The following ICA1 variants were observed in gnomAD, a reference collection of about 807,000 sequenced individuals.
ICA1 encodes 69 kDa islet cell autoantigen.
In ICA1, 40 loss-of-function variants were observed where a neutral mutation model predicts 71.0. That is an observed-to-expected ratio of 0.56 (90% CI 0.44 to 0.73). The LOEUF is 0.73. Among genes scored for constraint, ICA1 ranks in the 30% least tolerant of loss-of-function variants. ICA1 has a pLI of 0.00. For missense variants in ICA1, 578 were observed against 576.5 expected (o/e 1.00, Z -0.03); for synonymous variants, 207 against 209.5 (o/e 0.99, Z 0.10).
chr7:8,129,059 G>A (rs773143192), intron 12 of ICA1, among the ~76,000 whole-genome samples: 1 of 152,106 alleles, frequency 6.6e-6, no homozygotes, highest in Admixed American at 6.5e-5. Context: ...CTTACATTAC[G>A]AACATTGGCA....
At chr7:8,170,150 AC>A (rs2128229576) in intron 6 of ICA1, among the ~76,000 whole-genome samples, 1 of 152,016 alleles carries the variant, frequency 6.6e-6, no homozygotes, top group East Asian at 1.9e-4. Context: ...AACCGCCTTA[AC>A]TTGGCTCTTT....
At chr7:8,146,007 A>G (rs17143771) in intron 8 of ICA1, among the ~76,000 whole-genome samples, 6,735 of 152,196 alleles carry the variant, frequency 0.044, 332 homozygotes, top group African/African-American at 0.13. Context: ...ATTTTCTTGC[A>G]TAAAGCACAT....
chr7:8,188,833 G>T (rs748343611), intron 6 of ICA1, among the ~76,000 whole-genome samples: 9 of 152,156 alleles, frequency 5.9e-5, no homozygotes, highest in Non-Finnish European at 1.0e-4. Context: ...CAGGAATCAA[G>T]ACTATGGTTT....
rs1797508016 is a variant in ICA1 at position 8,222,758 on chromosome 7, G to A, written c.257-1360C>T. Among the ~76,000 whole-genome samples, 1 of 152,106 alleles carries A rather than the reference G, an allele frequency of 6.6e-6. No individual in the cohort carries two copies. Among genetic ancestry groups the A allele is most frequent in the Non-Finnish European group, 1.5e-5 (1 of 68,018 alleles). On this transcript the variant is annotated intron_variant, in intron 4 of 13. Transcript: ENST00000402384. The surrounding 1 kb of genome is among the most constrained non-coding windows in gnomAD (Gnocchi z 4.8). ...TCAAAAATCAAGTTCACCATCAAAG[G>A]CCTGCTCGCAGGTTCCTTTCTCTGT...
rs1034707269 is a variant in ICA1, at chr7:8,222,513, T to C, written c.257-1115A>G. On this transcript the variant is annotated intron_variant, in intron 4 of 13. Coordinates refer to ENST00000402384, the MANE Select transcript of ICA1 (RefSeq NM_001136020.3). This position sits in a 1 kb window ranked among gnomAD's most constrained non-coding sequence, Gnocchi z 4.8. The stretch of plus-strand genomic sequence containing the variant: ...CAAACCAGTCACTTTTCTTTAAGAA[T>C]GCACCCCCATTCCTGACATAATCTC... Among the ~76,000 whole-genome samples, 4 of 152,230 alleles carry C rather than the reference T, an allele frequency of 2.6e-5. No individual in the cohort carries two copies. The highest frequency in any genetic ancestry group is 6.5e-5 in the Admixed American group (1 of 15,284).
At chr7:8,203,715 G>A (rs750027956) in intron 6 of ICA1, among the ~76,000 whole-genome samples, 5 of 152,190 alleles carry the variant, frequency 3.3e-5, no homozygotes, top group Non-Finnish European at 5.9e-5. Context: ...TCTGCAGGGG[G>A]CCTGTTAATT....
intron 6 of ICA1, among the ~76,000 whole-genome samples, chr7:8,211,694 C>T (rs767179974): frequency 6.6e-6 from 1 of 152,172 alleles, no homozygotes; most frequent in Non-Finnish European, 1.5e-5. Flanking sequence ...GTATGTGTTT[C>T]TTTTTACCAC....
At chr7:8,152,775 A>G in intron 8 of ICA1, among the ~76,000 whole-genome samples, 2 of 150,576 alleles carry the variant, frequency 1.3e-5, no homozygotes, top group East Asian at 2.0e-4. Flanking sequence ...TACCCCCACC[A>G]CTATCACCAT....
intron 12 of ICA1, among the ~76,000 whole-genome samples, chr7:8,134,064 G>A (rs570527123): frequency 4.6e-5 from 7 of 152,204 alleles, no homozygotes; most frequent in African/African-American, 1.2e-4. Context: ...AGGATCTCAT[G>A]TATAAATTAA....
intron 6 of ICA1, among the ~76,000 whole-genome samples, chr7:8,163,894 T>C (rs1804845234): frequency 6.6e-6 from 1 of 152,078 alleles, no homozygotes; most frequent in African/African-American, 2.4e-5. Flanking sequence ...ATTTTTATCC[T>C]GGAATAGCAG....
At chr7:8,139,111 T>C in intron 10 of ICA1, 64 bp from the exon 11 acceptor site, 2 of 1,294,932 alleles carry the variant, frequency 1.5e-6, no homozygotes, top group Non-Finnish European at 2.2e-6. Flanking sequence ...TCATACGCTA[T>C]TGCAGTGTAA....
intron 12 of ICA1, among the ~76,000 whole-genome samples, chr7:8,137,503 A>G (rs760400070): frequency 6.6e-6 from 1 of 152,206 alleles, no homozygotes; most frequent in African/African-American, 2.4e-5. Context: ...ATCCCCTCCA[A>G]AAAATAATTT....
rs1779416755 is a variant in ICA1, at chr7:8,173,134, T to C, written c.580-14482A>G. On this transcript the variant is annotated intron_variant, in intron 6 of 13. Coordinates refer to ENST00000402384, the MANE Select transcript of ICA1 (RefSeq NM_001136020.3). The surrounding 1 kb of genome is among the most constrained non-coding windows in gnomAD (Gnocchi z 4.0). ...CAAGTAACGGCTAACTTAGAAGCAA[T>C]GAGGTCACGGCCTCTGACTATCATG... 6.6e-6 allele frequency among the ~76,000 whole-genome samples: 1 copy of C among 152,198 alleles called. No individual in the cohort carries two copies. The highest frequency in any genetic ancestry group is 1.5e-5 in the Non-Finnish European group (1 of 68,024).
chr7:8,237,819 GACACACACACACACACAC>G (rs57343882), intron 1 of ICA1, among the ~76,000 whole-genome samples: 30 of 142,166 alleles, frequency 2.1e-4, no homozygotes, highest in African/African-American at 7.3e-4. Context: ...GTTGAAGACA[GACACACACACACACACAC>G]ACACACACAC....
intron 1 of ICA1, among the ~76,000 whole-genome samples, chr7:8,249,874 T>A (rs1325349522): frequency 6.6e-6 from 1 of 152,242 alleles, no homozygotes; most frequent in Non-Finnish European, 1.5e-5. Flanking sequence ...ATGCAGGTAT[T>A]TGGGTTTATT....
At chr7:8,128,322 G>A (rs1237306410) in intron 12 of ICA1, among the ~76,000 whole-genome samples, 180 bp from the exon 13 acceptor site, 1 of 152,122 alleles carries the variant, frequency 6.6e-6, no homozygotes, top group African/African-American at 2.4e-5. Context: ...ATTAAATTTC[G>A]AATCCCATGT....
chr7:8,174,149 C>A (rs1216937745), intron 6 of ICA1, among the ~76,000 whole-genome samples: 1 of 151,914 alleles, frequency 6.6e-6, no homozygotes, highest in East Asian at 1.9e-4. Context: ...GCACAAAGGC[C>A]CTGGGAATGG....
intron 1 of ICA1, among the ~76,000 whole-genome samples, chr7:8,243,506 C>T (rs1301682437): frequency 1.3e-5 from 2 of 152,196 alleles, no homozygotes; most frequent in East Asian, 3.8e-4. Flanking sequence ...AAAACTGGCA[C>T]AAGACAGGGA....
intron 6 of ICA1, among the ~76,000 whole-genome samples, chr7:8,202,424 T>C (rs1285699009): frequency 6.6e-6 from 1 of 152,218 alleles, no homozygotes; most frequent in Non-Finnish European, 1.5e-5. Context: ...CTTAGAACTG[T>C]AGCTGATACA....
Sources: gnomAD v4.1 joint callset for allele counts (sites outside exome capture counted in the v4.1 genomes callset) on GRCh38, gnomAD v4.1.1 for gene constraint, Gnocchi (gnomAD v3.1) non-coding constraint, MANE v1.5 for transcripts, NCBI Gene and HGNC (gene_info 2026-07-23, HGNC 2026-07-21) for gene names.